TMEM117: variants seen among roughly 807,000 people sequenced by gnomAD.
TMEM117 encodes transmembrane protein 117.
Under a neutral mutation model 52.4 loss-of-function variants are expected in TMEM117, and 27 were observed. That is an observed-to-expected ratio of 0.51 (90% CI 0.38 to 0.71). The LOEUF is 0.71. TMEM117 is among the 30% of genes least tolerant of loss of function. TMEM117 has a pLI of 0.00. For missense variants in TMEM117, 556 were observed against 630.5 expected, an observed-to-expected ratio of 0.88 and a Z score of 1.26; for synonymous variants, 215 against 206.3, an observed-to-expected ratio of 1.04 and a Z score of -0.36.
At chr12:44,186,570 C>A (rs1178946259) in intron 4 of TMEM117, among the ~76,000 whole-genome samples, 1 of 152,068 alleles carries the variant, frequency 6.6e-6, no homozygotes. Flanking sequence ...GAATGATTTA[C>A]TCTCACAATA....
At chr12:43,905,290 T>C (rs10785463) in intron 2 of TMEM117, among the ~76,000 whole-genome samples, 109,079 of 152,164 alleles carry the variant, frequency 0.72, 42,213 homozygotes, top group East Asian at 0.87. Context: ...TCTTAGTACT[T>C]AATCTAGAAT....
the TMEM117 span, chr12:43,798,507 C>G: frequency 2.8e-6 from 4 of 1,441,828 alleles, no homozygotes; most frequent in Non-Finnish European, 3.6e-6. Context: ...AATGGAGATT[C>G]TACAGCATAA....
the TMEM117 span, among the ~76,000 whole-genome samples, chr12:43,796,057 A>AT: frequency 6.6e-6 from 1 of 152,214 alleles, no homozygotes; most frequent in African/African-American, 2.4e-5. Context: ...TTCAAGGAAC[A>AT]TTTACTCATG....
At chr12:44,396,771 T>A in the TMEM117 span, among the ~76,000 whole-genome samples, 1 of 151,486 alleles carries the variant, frequency 6.6e-6, no homozygotes, top group African/African-American at 2.4e-5. Flanking sequence ...GGAGAATCAC[T>A]TGAACCAGGG....
chr12:44,068,033 A>G (rs1407125723), intron 3 of TMEM117, among the ~76,000 whole-genome samples: 2 of 152,284 alleles, frequency 1.3e-5, no homozygotes, highest in East Asian at 3.9e-4. Context: ...TTTATGTTGT[A>G]GAGGTGACTT....
chr12:44,143,460 A>G, intron 3 of TMEM117, 65 bp from the exon 4 acceptor site: 1 of 1,261,648 alleles, frequency 7.9e-7, no homozygotes, highest in South Asian at 1.4e-5. Context: ...CTGTTGCTGA[A>G]CCAGAAAGCC....
intron 3 of TMEM117, among the ~76,000 whole-genome samples, chr12:43,962,021 A>G (rs1053491132): frequency 1.3e-5 from 2 of 152,214 alleles, no homozygotes; most frequent in South Asian, 2.1e-4. Flanking sequence ...TGATGAAAAC[A>G]GTTAACAGAG....
intron 5 of TMEM117, among the ~76,000 whole-genome samples, chr12:44,297,836 C>T (rs1422168995): frequency 3.3e-5 from 5 of 152,010 alleles, no homozygotes; most frequent in Non-Finnish European, 5.9e-5. Flanking sequence ...ATTCTTATTA[C>T]ATAATACTTG....
At chr12:44,060,257 A>G (rs575510430) in intron 3 of TMEM117, among the ~76,000 whole-genome samples, 17 of 152,318 alleles carry the variant, frequency 1.1e-4, no homozygotes, top group African/African-American at 4.1e-4. Context: ...TAAGGAAATA[A>G]ATGGGAAAAG....
rs578185250 is a variant in TMEM117, at chr12:43,920,078, C to G, written c.278-24132C>G. Among the ~76,000 whole-genome samples the G allele has an allele frequency of 2.7e-3, 413 of 152,204 alleles. 1 individual carries two copies. Among genetic ancestry groups the G allele is most frequent in the Non-Finnish European group, 4.7e-3 (323 of 68,026 alleles). On this transcript the variant is annotated intron_variant, in intron 2 of 7. Transcript: ENST00000266534. ...TCAATAGTTAATCTCTGCAACCTCT[C>G]CTTTTTTACTGGCTTTACCATTTCC...
chr12:44,300,646 T>C (rs1950827823), intron 6 of TMEM117, among the ~76,000 whole-genome samples: 1 of 151,282 alleles, frequency 6.6e-6, no homozygotes. Flanking sequence ...ATTGATTTTT[T>C]TTAAATTTGT....
chr12:44,081,001 G>A (rs1016812901), intron 3 of TMEM117, among the ~76,000 whole-genome samples: 3 of 151,488 alleles, frequency 2.0e-5, no homozygotes, highest in East Asian at 3.9e-4. Flanking sequence ...AAAAGTAAGT[G>A]TTTTTGTAGT....
intron 5 of TMEM117, among the ~76,000 whole-genome samples, chr12:44,296,313 C>A (rs1950768373): frequency 6.6e-6 from 1 of 152,112 alleles, no homozygotes; most frequent in African/African-American, 2.4e-5. Flanking sequence ...TGGACTATGG[C>A]TGAGAGGGGC....
Position 44,295,484 on chromosome 12 carries a change from C to T in TMEM117, c.609-4096C>T, listed in dbSNP as rs147592090. Among the ~76,000 whole-genome samples the T allele has an allele frequency of 5.7e-3, 872 of 152,276 alleles. 11 individuals are homozygous for T. The highest frequency in any genetic ancestry group is 0.019 in the African/African-American group (795 of 41,544). On this transcript the variant is annotated intron_variant, in intron 5 of 7. Transcript: ENST00000266534. ...TTGGCCTCCCAAAGTGCTGGGATTA[C>T]GGGCATAAGCCACTACGCTTGGCCT...
At chr12:44,014,129 T>C (rs1247617205) in intron 3 of TMEM117, among the ~76,000 whole-genome samples, 2 of 152,262 alleles carry the variant, frequency 1.3e-5, no homozygotes, top group East Asian at 3.9e-4. Context: ...GAAGTCCCCC[T>C]GTCCCCCACA....
intron 3 of TMEM117, among the ~76,000 whole-genome samples, chr12:44,099,920 T>A (rs897240510): frequency 6.6e-6 from 1 of 151,972 alleles, no homozygotes; most frequent in Non-Finnish European, 1.5e-5. Flanking sequence ...ACATTAAGAA[T>A]GATGACCTGA....
chr12:43,975,129 C>T (rs1005353190), intron 3 of TMEM117, among the ~76,000 whole-genome samples: 2 of 152,132 alleles, frequency 1.3e-5, no homozygotes, highest in Admixed American at 1.3e-4. Flanking sequence ...TGGTTTTTGT[C>T]TTTAAGTTGT....
intron 2 of TMEM117, among the ~76,000 whole-genome samples, chr12:43,915,529 T>A (rs751082293): frequency 3.3e-5 from 5 of 152,176 alleles, no homozygotes; most frequent in Non-Finnish European, 7.3e-5. Flanking sequence ...TTCATCCCCT[T>A]CAGTGACCAA....
At chr12:43,852,568 C>G (rs1943329215) in intron 2 of TMEM117, among the ~76,000 whole-genome samples, 2 of 152,202 alleles carry the variant, frequency 1.3e-5, no homozygotes, top group Non-Finnish European at 2.9e-5. Flanking sequence ...TGCCATTGCA[C>G]TCCAGCCTGG....
Sources: allele counts gnomAD v4.1 joint callset (sites outside exome capture counted in the v4.1 genomes callset), GRCh38; gene constraint gnomAD v4.1.1; transcripts MANE v1.5; gene names NCBI Gene and HGNC (gene_info 2026-07-23, HGNC 2026-07-21).